Variants in GAB1 observed in about 807,000 individuals in gnomAD.
The protein encoded by GAB1 is GRB2 associated binding protein 1.
A neutral mutation model predicts 66.5 loss-of-function variants in GAB1; 19 were observed. That is an observed-to-expected ratio of 0.29 (90% CI 0.20 to 0.42). The LOEUF (loss-of-function observed/expected upper bound fraction) is 0.42, where lower values mean the gene tolerates loss of function less well. Ranked by LOEUF, GAB1 falls within the 10% of genes least tolerant of loss-of-function variation. GAB1 has a pLI of 1.00. For missense variants in GAB1, 732 were observed against 858.5 expected (o/e 0.85, Z 1.84); for synonymous variants, 294 against 301.4 (o/e 0.98, Z 0.25).
At chr4:143,408,117 T>C (rs1308028164) in intron 1 of GAB1, among the ~76,000 whole-genome samples, 4 of 152,204 alleles carry the variant, frequency 2.6e-5, no homozygotes, top group African/African-American at 9.6e-5. Context: ...CTGTCTAGGC[T>C]GTTTCCTGGC....
At chr4:143,399,799 ATGGTTTTTC>A (rs1350353419) in intron 1 of GAB1, among the ~76,000 whole-genome samples, 1 of 152,146 alleles carries the variant, frequency 6.6e-6, no homozygotes, top group East Asian at 1.9e-4. Context: ...GTAATTTTTT[ATGGTTTTTC>A]TGGTATGTCT....
rs1293241038 is a variant in GAB1 at position 143,445,449 on chromosome 4, T to C, written c.1585+5067T>C. Among the ~76,000 whole-genome samples, 5 of 152,202 alleles carry C rather than the reference T, an allele frequency of 3.3e-5. No homozygotes were observed. In the East Asian group the frequency reaches 9.6e-4, roughly 29 times the overall value. ...TTTTTTAATGGGGTTACTTGTTTTT[T>C]GCTTGTTGATTTGAGTTTCTTGTGG... On this transcript the variant is annotated intron_variant, in intron 6 of 9. Coordinates refer to ENST00000262994, the MANE Select transcript of GAB1 (RefSeq NM_002039.4).
chr4:143,343,282 G>A (rs1728882938), intron 1 of GAB1, among the ~76,000 whole-genome samples: 1 of 152,102 alleles, frequency 6.6e-6, no homozygotes, highest in Admixed American at 6.6e-5. Flanking sequence ...AATTTTTGGG[G>A]GACATAAATC....
intron 1 of GAB1, among the ~76,000 whole-genome samples, chr4:143,385,605 A>G (rs1324382853): frequency 3.3e-5 from 5 of 152,136 alleles, no homozygotes; most frequent in Non-Finnish European, 2.9e-5. Flanking sequence ...ATGGCTCACC[A>G]TGATCTCATT....
intron 2 of GAB1, among the ~76,000 whole-genome samples, chr4:143,428,230 C>A (rs922851407): frequency 7.9e-5 from 12 of 152,318 alleles, no homozygotes; most frequent in Admixed American, 5.9e-4. Context: ...CCTGTCAGAT[C>A]TAGTTTTATT....
In GAB1 at chr4:143,337,906, C is replaced by T. The variant is rs148999474; in HGVS notation, c.72+646C>T. 2.3e-3 allele frequency among the ~76,000 whole-genome samples: 347 copies of T among 152,270 alleles called. 2 individuals are homozygous for T. The highest frequency in any genetic ancestry group is 8.0e-3 in the African/African-American group (333 of 41,556). ...GGGACTTTGGAGTTTGGCCCGGGAG[C>T]CTTGGCGGTTTGCTGCGAGAGGAGG... On this transcript the variant is annotated intron_variant, in intron 1 of 9. Transcript: ENST00000262994.
At chr4:143,457,696 T>G (rs1735265804) in intron 6 of GAB1, 5 of 1,549,968 alleles carry the variant, frequency 3.2e-6, no homozygotes, top group Non-Finnish European at 4.3e-6. Flanking sequence ...GTCCTAAAAT[T>G]TTAAGACTCA....
intron 6 of GAB1, among the ~76,000 whole-genome samples, chr4:143,440,635 G>C (rs964817742): frequency 6.6e-6 from 1 of 152,080 alleles, no homozygotes; most frequent in African/African-American, 2.4e-5. Flanking sequence ...ATACTCACGG[G>C]GTGAGCGGAC....
At chr4:143,392,947 C>T (rs557102285) in intron 1 of GAB1, among the ~76,000 whole-genome samples, 6 of 151,996 alleles carry the variant, frequency 3.9e-5, no homozygotes, top group Admixed American at 1.3e-4. Flanking sequence ...ATAGCAGTAC[C>T]TTTTTCATGT....
chr4:143,456,184 G>A (rs564372524), intron 6 of GAB1, among the ~76,000 whole-genome samples: 15 of 152,282 alleles, frequency 9.9e-5, no homozygotes, highest in Non-Finnish European at 1.5e-4. Flanking sequence ...GTAGCCGGGC[G>A]CGGTGGCTTA....
At chr4:143,374,286 A>G (rs1424362671) in intron 1 of GAB1, among the ~76,000 whole-genome samples, 2 of 152,098 alleles carry the variant, frequency 1.3e-5, no homozygotes, top group African/African-American at 4.8e-5. Context: ...AAGTCAGGTG[A>G]CTTGTCACTG....
At chr4:143,356,173 A>AGAC (rs1729439238) in intron 1 of GAB1, among the ~76,000 whole-genome samples, 1 of 152,212 alleles carries the variant, frequency 6.6e-6, no homozygotes, top group Non-Finnish European at 1.5e-5. Context: ...GTGCAAATCA[A>AGAC]AGACAAGCAG....
intron 1 of GAB1, among the ~76,000 whole-genome samples, chr4:143,385,011 A>G (rs1232556437): frequency 6.6e-6 from 1 of 152,212 alleles, no homozygotes; most frequent in African/African-American, 2.4e-5. Context: ...TTGACTCGTA[A>G]TAACACAGTG....
At chr4:143,433,346 C>CA (rs1263257337) in intron 2 of GAB1, 145 bp from the exon 3 acceptor site, 28 of 638,200 alleles carry the variant, frequency 4.4e-5, no homozygotes, top group Non-Finnish European at 6.7e-5. Flanking sequence ...ATAAAGGTCG[C>CA]CATTTAGATA....
chr4:143,358,263 T>G (rs1347959953), intron 1 of GAB1, among the ~76,000 whole-genome samples: 1 of 152,248 alleles, frequency 6.6e-6, no homozygotes, highest in Non-Finnish European at 1.5e-5. Flanking sequence ...ATTAATTGTA[T>G]AGACACAATT....
chr4:143,458,086 G>C (rs1213199417), intron 6 of GAB1, among the ~76,000 whole-genome samples: 1 of 151,994 alleles, frequency 6.6e-6, no homozygotes, highest in East Asian at 1.9e-4. Context: ...GTTGTCTTCT[G>C]TCTTTATGTA....
rs1263278931 is a variant in GAB1, at chr4:143,337,178, A to G, written c.-11A>G. On this transcript the variant is annotated 5_prime_UTR_variant, in exon 1 of 10. Transcript: ENST00000262994. ...TCAGCTGCCCGGCCCGGAGCCCGAGACGCGCGCACCATGAGCGGTGGTGAA... is the reference window on the plus strand; with the variant it reads ...TCAGCTGCCCGGCCCGGAGCCCGAGGCGCGCGCACCATGAGCGGTGGTGAA... The G allele has an allele frequency of 3.2e-6, 5 of 1,569,278 alleles. No homozygotes were observed. The highest frequency in any genetic ancestry group is 4.3e-6 in the Non-Finnish European group (5 of 1,156,572).
At chr4:143,379,173 TC>T (rs1730552143) in intron 1 of GAB1, among the ~76,000 whole-genome samples, 2 of 152,232 alleles carry the variant, frequency 1.3e-5, no homozygotes, top group Admixed American at 6.5e-5. Flanking sequence ...TGCATATAAT[TC>T]AGCAAACAAA....
chr4:143,353,279 G>A (rs28989198), intron 1 of GAB1, among the ~76,000 whole-genome samples: 50 of 152,208 alleles, frequency 3.3e-4, no homozygotes, highest in Admixed American at 2.4e-3. Flanking sequence ...CCTAATTTTT[G>A]GTTAGTTGAG....
Sources: allele counts gnomAD v4.1 joint callset (sites outside exome capture counted in the v4.1 genomes callset), GRCh38; gene constraint gnomAD v4.1.1; transcripts MANE v1.5; gene names NCBI Gene and HGNC (gene_info 2026-07-23, HGNC 2026-07-21).